Variants in RCAN2 observed in about 807,000 individuals in gnomAD.
RCAN2 encodes the protein regulator of calcineurin 2, also known as calcipressin-2.
In RCAN2, 9 loss-of-function variants were observed where a neutral mutation model predicts 23.6. That is an observed-to-expected ratio of 0.38 (90% CI 0.23 to 0.67). The LOEUF (loss-of-function observed/expected upper bound fraction) is 0.67. Ranked by LOEUF, RCAN2 falls within the 30% of genes least tolerant of loss-of-function variation. RCAN2 has a pLI of 0.51. For synonymous variants in RCAN2, 109 were observed against 115.7 expected (o/e 0.94, Z 0.37); for missense variants, 273 against 302.3 (o/e 0.90, Z 0.72).
chr6:46,489,759 T>G (rs757935577), intron 1 of RCAN2, among the ~76,000 whole-genome samples: 1 of 152,190 alleles, frequency 6.6e-6, no homozygotes, highest in African/African-American at 2.4e-5. Context: ...CCTCACAAAA[T>G]TCTATGGACT....
intron 2 of RCAN2, among the ~76,000 whole-genome samples, chr6:46,295,861 A>G (rs1193424729): frequency 6.6e-6 from 1 of 152,098 alleles, no homozygotes; most frequent in African/African-American, 2.4e-5. Context: ...GGGAGGATCT[A>G]GACACAAGTG....
At chr6:46,368,741 T>C (rs1180876731) in intron 2 of RCAN2, among the ~76,000 whole-genome samples, 1 of 152,126 alleles carries the variant, frequency 6.6e-6, no homozygotes, top group Admixed American at 6.5e-5. Flanking sequence ...CTTACAGGAA[T>C]GGAGCTTTTA....
At chr6:46,305,596 T>C (rs1209979843) in intron 2 of RCAN2, among the ~76,000 whole-genome samples, 1 of 152,018 alleles carries the variant, frequency 6.6e-6, no homozygotes, top group Non-Finnish European at 1.5e-5. Flanking sequence ...TTTACACTTT[T>C]ATAACTTCAA....
chr6:46,456,396 T>C (rs1366721856), intron 2 of RCAN2, among the ~76,000 whole-genome samples: 1 of 152,190 alleles, frequency 6.6e-6, no homozygotes, highest in East Asian at 1.9e-4. Flanking sequence ...AAAGGCAAAT[T>C]ATATTTATGG....
At chr6:46,251,447 A>G (rs1766714144) in intron 2 of RCAN2, among the ~76,000 whole-genome samples, 1 of 152,112 alleles carries the variant, frequency 6.6e-6, no homozygotes, top group South Asian at 2.1e-4. Flanking sequence ...AGAGTATAAT[A>G]TTTTTTTAAG....
In RCAN2 at chr6:46,248,818, T is replaced by C. The variant is rs760684422; in HGVS notation, c.304A>G (p.Ile102Val). ...QLFKSFRRVRINFSNPKSAAR... is the reference protein window; with the variant it reads ...QLFKSFRRVRVNFSNPKSAAR... ...GCAGATTTAGGATTGCTGAAGTTTA[T>C]ACGGACACGTCTGAAACTCTTAAAT... Residue 102 changes from isoleucine to valine, a missense_variant, in exon 3 of 5, where the codon ATA (isoleucine) becomes GTA (valine). Ile to Val is a conservative substitution (Grantham distance 29, BLOSUM62 3). Coordinates refer to ENST00000371374, the MANE Select transcript of RCAN2 (RefSeq NM_001251974.2). 6 of 1,613,322 alleles carry C rather than the reference T, an allele frequency of 3.7e-6. No homozygotes were observed. In the East Asian group the frequency reaches 6.7e-5, roughly 18 times the overall value.
At chr6:46,227,516 G>A (rs1447523912) in intron 4 of RCAN2, among the ~76,000 whole-genome samples, 1 of 151,826 alleles carries the variant, frequency 6.6e-6, no homozygotes, top group South Asian at 2.1e-4. Context: ...AGTCTTGGGA[G>A]GGTGTATGTG....
At chr6:46,471,584 G>T (rs947499172) in intron 1 of RCAN2, among the ~76,000 whole-genome samples, 1 of 152,148 alleles carries the variant, frequency 6.6e-6, no homozygotes, top group Non-Finnish European at 1.5e-5. Flanking sequence ...GAAATCAGAA[G>T]TCTAGTTTAG....
chr6:46,336,856 C>T (rs995988279), intron 2 of RCAN2, among the ~76,000 whole-genome samples: 5 of 150,188 alleles, frequency 3.3e-5, no homozygotes, highest in East Asian at 2.0e-4. Flanking sequence ...GGAAACACCA[C>T]GGAGATAAAG....
intron 2 of RCAN2, among the ~76,000 whole-genome samples, chr6:46,361,324 G>T (rs1462919696): frequency 6.6e-6 from 1 of 152,158 alleles, no homozygotes; most frequent in Non-Finnish European, 1.5e-5. Context: ...GCTAAAGATG[G>T]AGGAATCTGT....
intron 2 of RCAN2, chr6:46,325,687 G>C: frequency 3.7e-6 from 5 of 1,364,068 alleles, no homozygotes; most frequent in Non-Finnish European, 4.7e-6. Context: ...GGCCCGGCTC[G>C]CTCATGGCAA....
chr6:46,432,687 T>C (rs1357345070), intron 2 of RCAN2, among the ~76,000 whole-genome samples: 1 of 152,142 alleles, frequency 6.6e-6, no homozygotes, highest in African/African-American at 2.4e-5. Flanking sequence ...AATTAGATAA[T>C]TAATACATGC....
At chr6:46,350,525 G>A (rs1338340364) in intron 2 of RCAN2, among the ~76,000 whole-genome samples, 1 of 152,170 alleles carries the variant, frequency 6.6e-6, no homozygotes, top group Non-Finnish European at 1.5e-5. Flanking sequence ...ATTGAGGAGA[G>A]TCACTTGGTA....
chr6:46,247,053 A>G (rs1561826172), intron 3 of RCAN2, 134 bp from the exon 4 acceptor site: 1 of 676,934 alleles, frequency 1.5e-6, no homozygotes, highest in Non-Finnish European at 2.4e-6. Context: ...AATAATTACC[A>G]CTTACCACAT....
At chr6:46,473,678 T>A (rs1454002796) in intron 1 of RCAN2, among the ~76,000 whole-genome samples, 1 of 152,190 alleles carries the variant, frequency 6.6e-6, no homozygotes, top group Admixed American at 6.5e-5. Context: ...GGGATTTTTT[T>A]AACCTGATAA....
intron 2 of RCAN2, among the ~76,000 whole-genome samples, chr6:46,283,776 C>G (rs1056552503): frequency 6.6e-6 from 1 of 152,194 alleles, no homozygotes; most frequent in Non-Finnish European, 1.5e-5. Flanking sequence ...TTTAAAATAA[C>G]TCTTTACTAC....
At chr6:46,408,062 C>G (rs1431496933) in intron 2 of RCAN2, among the ~76,000 whole-genome samples, 1 of 152,146 alleles carries the variant, frequency 6.6e-6, no homozygotes, top group Non-Finnish European at 1.5e-5. Flanking sequence ...AGGAGGGAAG[C>G]TGCTTATAAA....
Position 46,223,255 on chromosome 6 carries a change from G to A in RCAN2, c.618C>T (p.Val206=), listed in dbSNP as rs749804124. 4.3e-5 allele frequency: 69 copies of A among 1,613,716 alleles called. No homozygotes were observed. The highest frequency in any genetic ancestry group is 5.7e-5 in the Non-Finnish European group (67 of 1,179,840). ...LHAGTESTPS[V]VVHVCDSDIE... is the part of the protein sequence containing the mutation. ...TGTCACTGTCGCACACGTGCACGACGACACTTGGGGTGGACTCAGTCCCTG... is the reference window on the plus strand; with the variant it reads ...TGTCACTGTCGCACACGTGCACGACAACACTTGGGGTGGACTCAGTCCCTG... Residue 206 remains valine (V), a synonymous_variant, in exon 5 of 5, where the codon GTC becomes GTT. Transcript: ENST00000371374.
At chr6:46,265,304 T>C (rs146824746) in intron 2 of RCAN2, among the ~76,000 whole-genome samples, 2 of 152,290 alleles carry the variant, frequency 1.3e-5, no homozygotes, top group East Asian at 3.9e-4. Flanking sequence ...TATATGTGTG[T>C]GTGTTACAAA....
Sources: gnomAD v4.1 joint callset for allele counts (sites outside exome capture counted in the v4.1 genomes callset) on GRCh38, gnomAD v4.1.1 for gene constraint, MANE v1.5 for transcripts, NCBI Gene and HGNC (gene_info 2026-07-23, HGNC 2026-07-21) for gene names.